Variants in LINGO2 observed in about 807,000 individuals in gnomAD.
LINGO2 encodes the protein leucine-rich repeat and immunoglobulin-like domain-containing nogo receptor-interacting protein 2.
In LINGO2, 14 loss-of-function variants were observed where a neutral mutation model predicts 30.6. The observed-to-expected ratio is 0.46, with a 90% CI of 0.30 to 0.72. The LOEUF (loss-of-function observed/expected upper bound fraction) is 0.72. Among genes scored for constraint, LINGO2 ranks in the 30% least tolerant of loss-of-function variants. LINGO2 has a pLI of 0.07. For synonymous variants in LINGO2, 317 were observed against 288.5 expected, an observed-to-expected ratio of 1.10 and a Z score of -1.00; for missense variants, 729 against 751.7, an observed-to-expected ratio of 0.97 and a Z score of 0.35.
the LINGO2 span, among the ~76,000 whole-genome samples, chr9:28,805,788 T>C: frequency 5.9e-5 from 9 of 152,026 alleles, no homozygotes; most frequent in Admixed American, 3.9e-4. Context: ...TAGGTAATGA[T>C]TGCGGTAGTT....
chr9:28,259,077 T>C (rs1032660823), intron 4 of LINGO2, among the ~76,000 whole-genome samples: 1 of 152,012 alleles, frequency 6.6e-6, no homozygotes. Context: ...GCATGTGTGA[T>C]GCATAGCAGA....
At chr9:28,840,795 T>C in the LINGO2 span, among the ~76,000 whole-genome samples, 2 of 151,916 alleles carry the variant, frequency 1.3e-5, 1 homozygote, top group African/African-American at 4.9e-5. Flanking sequence ...TTAAGATGCA[T>C]TGTAAGATGT....
chr9:29,133,009 T>C, the LINGO2 span, among the ~76,000 whole-genome samples: 37,009 of 151,784 alleles, frequency 0.24, 4,695 homozygotes, highest in East Asian at 0.44. Context: ...GCACACACCA[T>C]CATGCCTGAT....
the LINGO2 span, among the ~76,000 whole-genome samples, chr9:29,035,162 C>T: frequency 6.6e-6 from 1 of 151,874 alleles, no homozygotes; most frequent in Non-Finnish European, 1.5e-5. Flanking sequence ...TATAATATCT[C>T]GAAAATTATA....
At chr9:28,334,390 C>T (rs1241409521) in intron 3 of LINGO2, among the ~76,000 whole-genome samples, 4 of 152,032 alleles carry the variant, frequency 2.6e-5, no homozygotes, top group African/African-American at 9.7e-5. Context: ...TCAATTGAAG[C>T]CTAGTTAATG....
chr9:28,102,322 A>G (rs1471532280), intron 4 of LINGO2, among the ~76,000 whole-genome samples: 3 of 152,048 alleles, frequency 2.0e-5, no homozygotes, highest in Admixed American at 2.0e-4. Context: ...AAATAACAAT[A>G]ATATTTTAAA....
chr9:28,431,117 A>G (rs575679139), intron 2 of LINGO2, among the ~76,000 whole-genome samples: 1 of 151,948 alleles, frequency 6.6e-6, no homozygotes, highest in Admixed American at 6.6e-5. Context: ...CTAATCTCAA[A>G]AGCCACATCC....
the LINGO2 span, among the ~76,000 whole-genome samples, chr9:29,091,663 A>G: frequency 2.0e-5 from 3 of 151,992 alleles, no homozygotes; most frequent in Admixed American, 2.0e-4. Context: ...GATAATGTCT[A>G]TCTCGTCCAC....
chr9:28,569,363 A>G (rs1194250976), intron 1 of LINGO2, among the ~76,000 whole-genome samples: 2 of 151,990 alleles, frequency 1.3e-5, no homozygotes, highest in Non-Finnish European at 1.5e-5. Flanking sequence ...GTGATTCGTA[A>G]CAGCCAAGAT....
chr9:28,258,041 G>T (rs1358346206), intron 4 of LINGO2, among the ~76,000 whole-genome samples: 3 of 151,996 alleles, frequency 2.0e-5, no homozygotes, highest in Admixed American at 6.6e-5. Context: ...TTTATTCTTT[G>T]TCCTCTATTT....
At chr9:28,300,681 C>T (rs1162019260) in intron 3 of LINGO2, among the ~76,000 whole-genome samples, 1 of 152,046 alleles carries the variant, frequency 6.6e-6, no homozygotes, top group Non-Finnish European at 1.5e-5. Context: ...TCCCTTCCAT[C>T]CTTCTTTCCT....
At chr9:28,499,846 A>G (rs1436983289) in intron 1 of LINGO2, among the ~76,000 whole-genome samples, 1 of 152,172 alleles carries the variant, frequency 6.6e-6, no homozygotes, top group Non-Finnish European at 1.5e-5. Flanking sequence ...TAGACTAATT[A>G]GAGAATAGTA....
At chr9:28,597,319 G>A (rs1212810981) in intron 1 of LINGO2, among the ~76,000 whole-genome samples, 1 of 152,134 alleles carries the variant, frequency 6.6e-6, no homozygotes, top group Non-Finnish European at 1.5e-5. Flanking sequence ...TCTTGGAATG[G>A]AGTTTGTTAA....
rs190535406 is a variant in LINGO2 at position 28,211,116 on chromosome 9, T to C, written c.-87+84092A>G. 5.3e-4 allele frequency among the ~76,000 whole-genome samples: 81 copies of C among 151,654 alleles called. 1 individual carries two copies. The highest frequency in any genetic ancestry group is 1.8e-3 in the Admixed American group (28 of 15,166). ...TACTGTACCTGTAAGCCTTTAAAAATTGCAGCAAATATGTACAGGCTAAAT... is the reference window on the plus strand; with the variant it reads ...TACTGTACCTGTAAGCCTTTAAAAACTGCAGCAAATATGTACAGGCTAAAT... On this transcript the variant is annotated intron_variant, in intron 4 of 5. Transcript: ENST00000379992.
intron 1 of LINGO2, among the ~76,000 whole-genome samples, chr9:28,571,568 C>T (rs1823694661): frequency 6.6e-6 from 1 of 152,008 alleles, no homozygotes; most frequent in African/African-American, 2.4e-5. Context: ...AACTGAGACT[C>T]AGAGAAGTTA....
At chr9:28,222,516 T>A (rs1034234560) in intron 4 of LINGO2, among the ~76,000 whole-genome samples, 2 of 146,454 alleles carry the variant, frequency 1.4e-5, no homozygotes, top group African/African-American at 2.6e-5. Flanking sequence ...TTGACTTAGG[T>A]AAAGGCAAAA....
the LINGO2 span, among the ~76,000 whole-genome samples, chr9:29,013,470 AG>A: frequency 7.2e-5 from 11 of 152,242 alleles, no homozygotes; most frequent in African/African-American, 2.4e-4. Context: ...GACCATCCCA[AG>A]ACAATAATGT....
chr9:28,443,932 G>T (rs1824302765), intron 2 of LINGO2, among the ~76,000 whole-genome samples: 1 of 152,122 alleles, frequency 6.6e-6, no homozygotes, highest in Non-Finnish European at 1.5e-5. Flanking sequence ...CCTGGAGTGA[G>T]AACTTATGGT....
At chr9:29,027,292 A>C in the LINGO2 span, among the ~76,000 whole-genome samples, 1 of 152,184 alleles carries the variant, frequency 6.6e-6, no homozygotes, top group African/African-American at 2.4e-5. Context: ...ATAAATTATA[A>C]CCTTTGAATC....
Sources: allele counts gnomAD v4.1 joint callset (sites outside exome capture counted in the v4.1 genomes callset), GRCh38; gene constraint gnomAD v4.1.1; transcripts MANE v1.5; gene names NCBI Gene and HGNC (gene_info 2026-07-23, HGNC 2026-07-21).